The following PRP4K variants were observed in gnomAD, a reference collection of about 807,000 sequenced individuals.
The protein encoded by PRP4K is pre-mRNA processing factor kinase PRP4K, also known as serine/threonine-protein kinase PRP4 homolog.
chr6:4,027,693 A>G, the PRP4K span, among the ~76,000 whole-genome samples: 1 of 150,702 alleles, frequency 6.6e-6, no homozygotes, highest in South Asian at 2.1e-4. Flanking sequence ...CTTTTCAGGT[A>G]GGTACTATTG....
chr6:4,040,454 A>T, the PRP4K span, among the ~76,000 whole-genome samples: 5 of 152,256 alleles, frequency 3.3e-5, no homozygotes, highest in Non-Finnish European at 7.4e-5. Context: ...GTAGGTATTT[A>T]TCCCCATAGA....
chr6:4,053,618 T>G, the PRP4K span, among the ~76,000 whole-genome samples: 1 of 152,160 alleles, frequency 6.6e-6, no homozygotes, highest in Non-Finnish European at 1.5e-5. Flanking sequence ...ATTATCATAG[T>G]GATGTGATTA....
At chr6:4,052,351 C>T in the PRP4K span, among the ~76,000 whole-genome samples, 4 of 152,120 alleles carry the variant, frequency 2.6e-5, no homozygotes, top group African/African-American at 7.2e-5. Context: ...CTCCACCTCC[C>T]GGGTTCAACA....
the PRP4K span, among the ~76,000 whole-genome samples, chr6:4,040,507 T>A: frequency 6.6e-6 from 1 of 152,230 alleles, no homozygotes. Flanking sequence ...GAAGAATTTC[T>A]TAGTTCAGAG....
chr6:4,031,804 A>G, the PRP4K span: 1 of 1,613,448 alleles, frequency 6.2e-7, no homozygotes, highest in African/African-American at 1.3e-5. Context: ...TCTCCAGCAA[A>G]AAGAACTAAA....
the PRP4K span, among the ~76,000 whole-genome samples, chr6:4,038,661 TC>T: frequency 1.3e-5 from 2 of 152,114 alleles, no homozygotes; most frequent in South Asian, 2.1e-4. Flanking sequence ...ATCATTGTGA[TC>T]CTGTATGTAT....
chr6:4,037,022 G>C, the PRP4K span, among the ~76,000 whole-genome samples: 1 of 150,776 alleles, frequency 6.6e-6, no homozygotes, highest in South Asian at 2.1e-4. Context: ...CTTAATTGGA[G>C]AAATGTCAGG....
chr6:4,058,936 G>A, the PRP4K span: 340 of 684,838 alleles, frequency 5.0e-4, 1 homozygote, highest in African/African-American at 5.6e-3. Context: ...TTTTGCTGTC[G>A]ACCAATTCCT....
the PRP4K span, chr6:4,044,374 G>T: frequency 5.2e-6 from 1 of 191,432 alleles, no homozygotes; most frequent in Non-Finnish European, 1.1e-5. Flanking sequence ...TAAATAAGAG[G>T]TTTCCACTTT....
the PRP4K span, among the ~76,000 whole-genome samples, chr6:4,051,297 G>GT: frequency 6.6e-5 from 10 of 151,942 alleles, 1 homozygote; most frequent in East Asian, 5.8e-4. Context: ...GTTTTGTTTT[G>GT]TTTTTTTGTT....
the PRP4K span, among the ~76,000 whole-genome samples, chr6:4,052,420 G>A: frequency 6.6e-6 from 1 of 152,138 alleles, no homozygotes; most frequent in East Asian, 1.9e-4. Flanking sequence ...CAACAGTGTG[G>A]CTTTGTTGTG....
the PRP4K span, among the ~76,000 whole-genome samples, chr6:4,022,478 G>GTT: frequency 4.8e-3 from 681 of 141,160 alleles, 2 homozygotes; most frequent in African/African-American, 6.9e-3. Flanking sequence ...TTTGTTTTTT[G>GTT]TTTTTTTTTG....
At chr6:4,049,945 A>G in the PRP4K span, 3 of 1,515,578 alleles carry the variant, frequency 2.0e-6, no homozygotes, top group Non-Finnish European at 2.7e-6. Context: ...ATATTTTTAA[A>G]CTATTTTTTT....
the PRP4K span, among the ~76,000 whole-genome samples, chr6:4,051,309 G>C: frequency 2.6e-5 from 4 of 151,610 alleles, no homozygotes; most frequent in East Asian, 5.8e-4. Flanking sequence ...TTTTTTGTTT[G>C]TTTTTGTTTG....
chr6:4,028,018 A>G, the PRP4K span, among the ~76,000 whole-genome samples: 139,121 of 152,128 alleles, frequency 0.91, 63,676 homozygotes, highest in Non-Finnish European at 0.92. Flanking sequence ...TTTTCCCCCT[A>G]TAAGTCAAGG....
the PRP4K span, among the ~76,000 whole-genome samples, chr6:4,044,866 T>A: frequency 0.027 from 3,385 of 124,510 alleles, 63 homozygotes; most frequent in Middle Eastern, 0.066. Context: ...TATTATTATT[T>A]TTTTTTTTTT....
At chr6:4,044,000 T>A in the PRP4K span, 1 of 1,614,118 alleles carries the variant, frequency 6.2e-7, no homozygotes, top group South Asian at 1.1e-5. Context: ...AAGCATAATC[T>A]AATGACAGTT....
chr6:4,036,328 C>A, the PRP4K span, among the ~76,000 whole-genome samples: 1 of 152,120 alleles, frequency 6.6e-6, no homozygotes, highest in Admixed American at 6.6e-5. Context: ...CTTACACAAT[C>A]CTCCCACTTG....
chr6:4,042,882 G>A, the PRP4K span, among the ~76,000 whole-genome samples: 1 of 151,964 alleles, frequency 6.6e-6, no homozygotes, highest in African/African-American at 2.4e-5. Context: ...ATAAACTGGA[G>A]GAATTTTATT....
Sources: gnomAD v4.1 joint callset for allele counts (sites outside exome capture counted in the v4.1 genomes callset) on GRCh38, gnomAD v4.1.1 for gene constraint, MANE v1.5 for transcripts, NCBI Gene and HGNC (gene_info 2026-07-23, HGNC 2026-07-21) for gene names.